The following USP14 variants were observed in gnomAD, a reference collection of about 807,000 sequenced individuals.
The protein encoded by USP14 is ubiquitin carboxyl-terminal hydrolase 14.
Under a neutral mutation model 76.5 loss-of-function variants are expected in USP14, and 38 were observed. The ratio of observed to expected loss-of-function variants is 0.50; its 90% CI spans 0.38 to 0.65. The LOEUF is 0.65. USP14 is among the 30% of genes least tolerant of loss of function. The pLI, the probability that USP14 is intolerant of heterozygous loss-of-function variation, is 0.00. For synonymous variants in USP14, 192 were observed against 191.7 expected (o/e 1.00, Z -0.01); for missense variants, 467 against 586.5 (o/e 0.80, Z 2.10).
At position 198,044 on chromosome 18, in the gene USP14, C is replaced by T. The variant is rs1289087979; in HGVS notation, c.676-3C>T. On this transcript the variant is annotated splice_region_variant and splice_polypyrimidine_tract_variant and intron_variant, in intron 8 of 15. Transcript: ENST00000261601. Reference sequence around the variant, plus strand: ...GTTGGAATTTTTATTTTAATTTTTGCAGACAGACTCCTCATCTGCATCGGC... The same window carrying T: ...GTTGGAATTTTTATTTTAATTTTTGTAGACAGACTCCTCATCTGCATCGGC... 6.3e-7 allele frequency: 1 copy of T among 1,597,578 alleles called. No individual in the cohort carries two copies. Among genetic ancestry groups the T allele is most frequent in the South Asian group, 1.1e-5 (1 of 87,870 alleles).
intron 9 of USP14, among the ~76,000 whole-genome samples, chr18:198,544 A>G (rs1286050280): frequency 6.6e-6 from 1 of 152,192 alleles, no homozygotes; most frequent in East Asian, 1.9e-4. Context: ...CTAAAAAAAT[A>G]CAATAATGGA....
intron 12 of USP14, 100 bp from the exon 13 acceptor site, chr18:204,464 C>A: frequency 2.8e-6 from 3 of 1,060,024 alleles, no homozygotes; most frequent in South Asian, 2.2e-5. Context: ...TTATTTTCAA[C>A]TGTATCTGAA....
At chr18:167,176 G>C (rs553499986) in intron 3 of USP14, among the ~76,000 whole-genome samples, 95 of 152,278 alleles carry the variant, frequency 6.2e-4, no homozygotes, top group Non-Finnish European at 1.2e-3. Context: ...GCGGGAGGCA[G>C]AGGCAGGAGG....
At chr18:199,166 T>C (rs1199525222) in intron 9 of USP14, 36 bp from the exon 10 acceptor site, 6 of 1,331,478 alleles carry the variant, frequency 4.5e-6, no homozygotes, top group Non-Finnish European at 6.5e-6. Flanking sequence ...ACAAATTGAA[T>C]ACCCGTTGGC....
intron 3 of USP14, among the ~76,000 whole-genome samples, chr18:173,321 C>T (rs112941471): frequency 0.026 from 3,890 of 151,808 alleles, 78 homozygotes; most frequent in Non-Finnish European, 0.041. Flanking sequence ...CCATGTTAGC[C>T]AGGATGGTCT....
chr18:168,516 T>C (rs1030360407), intron 3 of USP14, among the ~76,000 whole-genome samples: 11 of 152,152 alleles, frequency 7.2e-5, no homozygotes, highest in African/African-American at 2.6e-4. Context: ...CTCACTGCAT[T>C]ATTTGCCTCC....
At chr18:188,853 A>G (rs867870911) in intron 5 of USP14, among the ~76,000 whole-genome samples, 1 of 151,732 alleles carries the variant, frequency 6.6e-6, no homozygotes, top group Non-Finnish European at 1.5e-5. Context: ...AATTTTTTGT[A>G]TTTTTAGTAG....
At chr18:186,125 GA>G (rs1381642514) in intron 5 of USP14, among the ~76,000 whole-genome samples, 1 of 152,082 alleles carries the variant, frequency 6.6e-6, no homozygotes, top group Admixed American at 6.6e-5. Flanking sequence ...CTTATGTCAG[GA>G]TATGATGAAA....
At chr18:190,571 A>G (rs1203230703) in intron 5 of USP14, among the ~76,000 whole-genome samples, 1 of 152,196 alleles carries the variant, frequency 6.6e-6, no homozygotes, top group Non-Finnish European at 1.5e-5. Context: ...ATTGTGGCCT[A>G]CATAACTTTT....
At chr18:172,457 A>G (rs1909491566) in intron 3 of USP14, among the ~76,000 whole-genome samples, 1 of 152,256 alleles carries the variant, frequency 6.6e-6, no homozygotes, top group Admixed American at 6.5e-5. Context: ...AAGCAGCAGC[A>G]GGATTTGAGA....
intron 12 of USP14, among the ~76,000 whole-genome samples, chr18:203,770 C>T (rs1435062221): frequency 2.6e-5 from 4 of 152,022 alleles, no homozygotes; most frequent in South Asian, 2.1e-4. Context: ...CCACCGTGCC[C>T]GGCTAATTTT....
At chr18:168,679 C>T (rs557315735) in intron 3 of USP14, among the ~76,000 whole-genome samples, 109 of 152,106 alleles carry the variant, frequency 7.2e-4, no homozygotes, top group Middle Eastern at 3.4e-3. Context: ...AAGTGATCTG[C>T]CTGCCTTGAT....
rs73364329 is a variant in USP14 at position 177,027 on chromosome 18, A to C, written c.196-1906A>C. Among the ~76,000 whole-genome samples, 694 of 152,292 alleles carry C rather than the reference A, an allele frequency of 4.6e-3. 2 individuals carry two copies. The highest frequency in any genetic ancestry group is 0.016 in the African/African-American group (665 of 41,566). On this transcript the variant is annotated intron_variant, in intron 3 of 15. Coordinates refer to ENST00000261601, the MANE Select transcript of USP14 (RefSeq NM_005151.4). ...GGAATTTCATTAAATTTATATAACTATAATTGCATCTTTATAGTAATTTTT... is the reference window on the plus strand; with the variant it reads ...GGAATTTCATTAAATTTATATAACTCTAATTGCATCTTTATAGTAATTTTT...
At chr18:207,761 T>C (rs1910567252) in intron 13 of USP14, among the ~76,000 whole-genome samples, 1 of 152,230 alleles carries the variant, frequency 6.6e-6, no homozygotes, top group African/African-American at 2.4e-5. Flanking sequence ...TTTTTCATAA[T>C]GTTTTATAGT....
At chr18:183,761 T>C (rs1598271371) in intron 5 of USP14, among the ~76,000 whole-genome samples, 3 of 151,768 alleles carry the variant, frequency 2.0e-5, no homozygotes, top group Non-Finnish European at 4.4e-5. Context: ...TTTTTTTTTT[T>C]CCTTGTTGTT....
chr18:171,054 A>ATG (rs1370398007), intron 3 of USP14, among the ~76,000 whole-genome samples: 4 of 141,096 alleles, frequency 2.8e-5, no homozygotes, highest in African/African-American at 7.9e-5. Flanking sequence ...ATATATATAT[A>ATG]TAAACTGAAG....
chr18:169,360 CAA>C (rs11336218), intron 3 of USP14, among the ~76,000 whole-genome samples: 1,184 of 79,328 alleles, frequency 0.015, 10 homozygotes, highest in African/African-American at 0.018. Context: ...GACTCTACCT[CAA>C]AAAAAAAAAA....
chr18:208,400 GATT>G (rs1910584433), intron 13 of USP14, among the ~76,000 whole-genome samples: 1 of 152,028 alleles, frequency 6.6e-6, no homozygotes, highest in South Asian at 2.1e-4. Context: ...CTTGCTTGAG[GATT>G]ATTAATTTTA....
In USP14 at chr18:210,489, A is replaced by T; in HGVS notation, c.1329A>T (p.Lys443Asn). 6.3e-7 allele frequency: 1 copy of T among 1,594,950 alleles called. No homozygotes were observed. The highest frequency in any genetic ancestry group is 2.2e-5 in the East Asian group (1 of 44,576). ...SGHYVSWVKR[K>N]QDEWIKFDDD... The stretch of plus-strand genomic sequence containing the variant: ...ATTATGTATCATGGGTGAAAAGGAA[A>T]CAAGGTAAAGGGTATTCTTTTTTCA... The change falls in exon 15 of 16, where the codon AAA becomes AAT. Residue 443 changes from lysine (K) to asparagine (N), a missense_variant. Transcript: ENST00000261601.
Sources: allele counts gnomAD v4.1 joint callset (sites outside exome capture counted in the v4.1 genomes callset), GRCh38; gene constraint gnomAD v4.1.1; transcripts MANE v1.5; gene names NCBI Gene and HGNC (gene_info 2026-07-23, HGNC 2026-07-21).